The following NAV3 variants were observed in gnomAD, a reference collection of about 807,000 sequenced individuals.
NAV3 encodes the protein pore membrane and/or filament interacting like protein 1.
Under a neutral mutation model 244.7 loss-of-function variants are expected in NAV3, and 87 were observed. That is an observed-to-expected ratio of 0.36 (90% CI 0.30 to 0.42). The LOEUF is 0.42. NAV3 is among the 20% of genes least tolerant of loss of function. The probability of loss-of-function intolerance (pLI) is 1.00; values close to 1 mark genes in which losing one functional copy is unlikely to be tolerated. For synonymous variants in NAV3, 1,126 were observed against 1,042.2 expected, an observed-to-expected ratio of 1.08 and a Z score of -1.55; for missense variants, 2,663 against 2,893.3, an observed-to-expected ratio of 0.92 and a Z score of 1.83.
intron 9 of NAV3, among the ~76,000 whole-genome samples, chr12:78,047,690 G>A (rs1882065139): frequency 6.6e-6 from 1 of 152,062 alleles, no homozygotes. Flanking sequence ...GTGTCTTGGG[G>A]TTGCTCTTCT....
rs1441426011 is a variant in NAV3, at chr12:77,675,837, G to A, written c.72+103571G>A. Reference sequence around the variant, plus strand: ...TTCCTGTGCTGGTCCTTGTGTGTTTGTGGACTATAGGTTTCTGGCCCTGAT... The same window carrying A: ...TTCCTGTGCTGGTCCTTGTGTGTTTATGGACTATAGGTTTCTGGCCCTGAT... On this transcript the variant is annotated intron_variant, in intron 2 of 8. Transcript: ENST00000550042. Among the ~76,000 whole-genome samples the A allele has an allele frequency of 2.0e-5, 3 of 152,126 alleles. No homozygotes were observed. In the South Asian group the frequency reaches 6.2e-4, roughly 32 times the overall value.
chr12:78,180,040 T>A (rs1958433137), intron 29 of NAV3, among the ~76,000 whole-genome samples: 1 of 152,158 alleles, frequency 6.6e-6, no homozygotes. Context: ...TGAAATCTGA[T>A]TTTCACATAC....
chr12:78,079,688 C>T (rs1449221172), intron 12 of NAV3, among the ~76,000 whole-genome samples: 1 of 152,010 alleles, frequency 6.6e-6, no homozygotes, highest in African/African-American at 2.4e-5. Flanking sequence ...AAACAGGAGG[C>T]TTTTTTATTT....
chr12:77,996,808 G>A (rs1301982956), intron 6 of NAV3, among the ~76,000 whole-genome samples: 1 of 152,078 alleles, frequency 6.6e-6, no homozygotes, highest in Non-Finnish European at 1.5e-5. Flanking sequence ...AAAAAATAGT[G>A]CTATATTTGT....
At position 78,096,333 on chromosome 12, in the gene NAV3, T is replaced by C. The variant is rs1009845435; in HGVS notation, c.2637-20439T>C. 4.1e-4 allele frequency among the ~76,000 whole-genome samples: 63 copies of C among 152,198 alleles called. 1 individual carries two copies. Among genetic ancestry groups the C allele is most frequent in the Non-Finnish European group, 1.6e-4 (11 of 68,032 alleles). On this transcript the variant is annotated intron_variant, in intron 12 of 39. Coordinates refer to ENST00000397909, the MANE Select transcript of NAV3 (RefSeq NM_001024383.2). ...TATCATTCATTCTGGCAGGCCCCTC[T>C]GTTTGTTCTCACCAGCTCCTGGGAA... is the stretch of plus-strand genomic sequence containing the variant.
At chr12:77,657,950 A>T (rs1873204482) in intron 2 of NAV3, among the ~76,000 whole-genome samples, 2 of 152,306 alleles carry the variant, frequency 1.3e-5, no homozygotes, top group Admixed American at 1.3e-4. Context: ...TATTGATGGG[A>T]TGTATCTCAA....
In NAV3 at chr12:78,205,073, A is replaced by T. The variant is rs753168129; in HGVS notation, c.6973A>T (p.Thr2325Ser). ...AGAAGATGTTGGGTATGAAAGCTGC[A>T]CATCCACTAAGGAAGCCACAACCTC... is the stretch of plus-strand genomic sequence containing the variant. ...RPEDVGYESC[T>S]STKEATTSKH... Residue 2325 changes from threonine (T) to serine (S), a missense_variant, in exon 39 of 40, where the codon ACA becomes TCA. Transcript: ENST00000397909. 6.2e-7 allele frequency: 1 copy of T among 1,613,538 alleles called. No individual in the cohort carries two copies. Among genetic ancestry groups the T allele is most frequent in the Non-Finnish European group, 8.5e-7 (1 of 1,179,748 alleles).
Position 77,956,621 on chromosome 12 carries a change from G to A in NAV3, c.415-9608G>A, listed in dbSNP as rs776545284. Reference sequence around the variant, plus strand: ...AACTGCAGAAGGTAAGGACTGGAGCGATCACTTCTCAAGCATCCTTGTGAA... The same window carrying A: ...AACTGCAGAAGGTAAGGACTGGAGCAATCACTTCTCAAGCATCCTTGTGAA... On this transcript the variant is annotated intron_variant, in intron 3 of 39. Transcript: ENST00000397909. 3.3e-5 allele frequency among the ~76,000 whole-genome samples: 5 copies of A among 152,158 alleles called. No individual in the cohort carries two copies. The East Asian group carries it at 5.8e-4, about 18-fold the overall frequency.
intron 34 of NAV3, among the ~76,000 whole-genome samples, chr12:78,190,623 A>G (rs150975905): frequency 1.3e-5 from 2 of 152,182 alleles, no homozygotes; most frequent in East Asian, 3.9e-4. Context: ...GATAAGTAGG[A>G]AATAACATGG....
At chr12:78,168,006 A>C (rs967167502) in intron 23 of NAV3, among the ~76,000 whole-genome samples, 1 of 151,774 alleles carries the variant, frequency 6.6e-6, no homozygotes, top group African/African-American at 2.4e-5. Flanking sequence ...CTCTAAATTC[A>C]AAAAGAAAAT....
chr12:77,853,259 A>T (rs1877828812), intron 1 of NAV3, among the ~76,000 whole-genome samples: 1 of 152,090 alleles, frequency 6.6e-6, no homozygotes, highest in Non-Finnish European at 1.5e-5. Flanking sequence ...TCTGTATTTA[A>T]CTGGCCATTT....
chr12:78,023,160 C>T (rs921830683), intron 9 of NAV3, among the ~76,000 whole-genome samples: 2 of 152,136 alleles, frequency 1.3e-5, no homozygotes, highest in African/African-American at 4.8e-5. Flanking sequence ...CATGTTTTAG[C>T]ACTAGAGCTC....
chr12:77,762,724 T>TTGTTGTTGTTGTTGC (rs113715172), intron 2 of NAV3, among the ~76,000 whole-genome samples: 2 of 1,100 alleles, frequency 1.8e-3, no homozygotes, highest in Non-Finnish European at 0.1. Context: ...CATGGGTTTT[T>TTGTTGTTGTTGTTGC]TGTTGTTGTT....
At chr12:77,777,867 A>G (rs1032224109) in intron 2 of NAV3, among the ~76,000 whole-genome samples, 12 of 150,566 alleles carry the variant, frequency 8.0e-5, no homozygotes, top group South Asian at 2.1e-4. Flanking sequence ...GTGCAGTGGC[A>G]CGATGTCAGC....
At position 78,210,534 on chromosome 12, in the gene NAV3, A is replaced by AG. The variant is rs1960800621; in HGVS notation, c.*20dup. On this transcript the variant is annotated 3_prime_UTR_variant, in exon 40 of 40. Coordinates refer to ENST00000397909, the MANE Select transcript of NAV3 (RefSeq NM_001024383.2). Reference sequence around the variant, plus strand: ...ACCCTCTAGAGGGTGAAAAAAGTTAAGGGAAAAGACTTTGCTTTTAAAAAA... The same window carrying AG: ...ACCCTCTAGAGGGTGAAAAAAGTTAAGGGGAAAAGACTTTGCTTTTAAAAAA... 2 of 1,608,972 alleles carry AG rather than the reference A, an allele frequency of 1.2e-6. No individual in the cohort carries two copies. The highest frequency in any genetic ancestry group is 1.3e-5 in the African/African-American group (1 of 74,594).
intron 12 of NAV3, among the ~76,000 whole-genome samples, chr12:78,068,971 G>T (rs1952617615): frequency 6.6e-6 from 1 of 150,782 alleles, no homozygotes; most frequent in Admixed American, 6.6e-5. Context: ...AACTAGGCAT[G>T]AATTCTTTTT....
intron 1 of NAV3, among the ~76,000 whole-genome samples, chr12:77,919,047 A>T (rs1252946074): frequency 6.6e-6 from 1 of 152,104 alleles, no homozygotes; most frequent in African/African-American, 2.4e-5. Flanking sequence ...CAGAGAGCCG[A>T]TTTGAAGGGA....
chr12:78,076,089 C>G (rs1953036027), intron 12 of NAV3, among the ~76,000 whole-genome samples: 1 of 152,170 alleles, frequency 6.6e-6, no homozygotes, highest in African/African-American at 2.4e-5. Context: ...TTTTCCCAAT[C>G]TGAGCATCCT....
In NAV3 at chr12:77,972,366, G is replaced by A. The variant is rs533373605; in HGVS notation, c.671+3664G>A. ...TACAGGGTATTATTTGGCTTATTTG[G>A]AGTGATAAAGACTTGATTAACCAAG... On this transcript the variant is annotated intron_variant, in intron 5 of 39. Transcript: ENST00000397909. Among the ~76,000 whole-genome samples the A allele has an allele frequency of 2.0e-5, 3 of 152,178 alleles. No individual in the cohort carries two copies. In the East Asian group the frequency reaches 5.8e-4, roughly 29 times the overall value.
Sources: gnomAD v4.1 joint callset for allele counts (sites outside exome capture counted in the v4.1 genomes callset) on GRCh38, gnomAD v4.1.1 for gene constraint, MANE v1.5 for transcripts, NCBI Gene and HGNC (gene_info 2026-07-23, HGNC 2026-07-21) for gene names.